Variants in CSMD1 observed in about 807,000 individuals in gnomAD.
CSMD1 encodes the protein CUB and Sushi multiple domains 1, also known as CUB and sushi domain-containing protein 1.
CSMD1 carries 213 observed loss-of-function variants against 417.5 expected under a neutral mutation model. The ratio of observed to expected loss-of-function variants is 0.51; its 90% confidence interval spans 0.46 to 0.57. CSMD1 has a LOEUF of 0.57. CSMD1 is among the 20% of genes least tolerant of loss of function. CSMD1 has a pLI of 0.00. For synonymous variants in CSMD1, 2,862 were observed against 1,736.8 expected (o/e 1.65, Z -16.11); for missense variants, 6,923 against 4,529.7 (o/e 1.53, Z -15.17).
At chr8:4,470,791 T>C (rs920279601) in intron 2 of CSMD1, among the ~76,000 whole-genome samples, 2 of 152,214 alleles carry the variant, frequency 1.3e-5, no homozygotes, top group African/African-American at 4.8e-5. Flanking sequence ...TATTTAAGGA[T>C]TGTCTAACAC....
At chr8:3,979,871 A>T (rs1261842835) in intron 5 of CSMD1, among the ~76,000 whole-genome samples, 1 of 152,206 alleles carries the variant, frequency 6.6e-6, no homozygotes, top group African/African-American at 2.4e-5. Flanking sequence ...TATACTGTAG[A>T]CAGTCACAAA....
intron 3 of CSMD1, among the ~76,000 whole-genome samples, chr8:4,342,236 TG>T (rs1407809513): frequency 1.8e-4 from 2 of 11,054 alleles, no homozygotes; most frequent in African/African-American, 9.3e-4. Flanking sequence ...TGTGTGTCTG[TG>T]TGTGTGTGTG....
At chr8:4,158,577 G>T (rs574426026) in intron 3 of CSMD1, among the ~76,000 whole-genome samples, 1 of 152,168 alleles carries the variant, frequency 6.6e-6, no homozygotes, top group African/African-American at 2.4e-5. Flanking sequence ...TGACAGAACA[G>T]TCCTCGTTCC....
intron 11 of CSMD1, among the ~76,000 whole-genome samples, chr8:3,483,952 G>A (rs1446690684): frequency 6.6e-6 from 1 of 152,178 alleles, no homozygotes; most frequent in East Asian, 1.9e-4. Context: ...TAGTGTTCAT[G>A]AGCTGAAAGA....
At chr8:4,361,620 T>C (rs200592715) in intron 3 of CSMD1, among the ~76,000 whole-genome samples, 2 of 152,172 alleles carry the variant, frequency 1.3e-5, no homozygotes, top group East Asian at 3.9e-4. Flanking sequence ...AACTCTCTGC[T>C]TTGCTGTCCC....
At chr8:4,353,130 A>T (rs765688085) in intron 3 of CSMD1, among the ~76,000 whole-genome samples, 2 of 152,182 alleles carry the variant, frequency 1.3e-5, no homozygotes, top group Non-Finnish European at 2.9e-5. Flanking sequence ...GTTCTCTGAT[A>T]TGGTTTGGCT....
intron 7 of CSMD1, among the ~76,000 whole-genome samples, chr8:3,692,262 G>C (rs540960724): frequency 6.6e-6 from 1 of 152,052 alleles, no homozygotes; most frequent in Non-Finnish European, 1.5e-5. Flanking sequence ...GCTATCCTGC[G>C]ATTTCACCAG....
chr8:3,563,589 G>C (rs879480259), intron 10 of CSMD1, among the ~76,000 whole-genome samples: 3 of 151,588 alleles, frequency 2.0e-5, no homozygotes, highest in Non-Finnish European at 4.4e-5. Flanking sequence ...AAAAACACAA[G>C]TAAAAACATT....
intron 10 of CSMD1, among the ~76,000 whole-genome samples, chr8:3,501,128 G>C (rs190968070): frequency 3.9e-5 from 6 of 152,158 alleles, no homozygotes; most frequent in Admixed American, 2.6e-4. Context: ...AAATTCATTT[G>C]ATATGGGTCC....
chr8:3,019,187 G>T (rs1489316990), intron 51 of CSMD1, among the ~76,000 whole-genome samples: 2 of 152,242 alleles, frequency 1.3e-5, no homozygotes, highest in African/African-American at 2.4e-5. Flanking sequence ...CAAATTGCTG[G>T]GATTACAGGC....
At chr8:4,441,095 G>GTTTTTGTTTTTTTTTTT (rs1798444278) in intron 2 of CSMD1, among the ~76,000 whole-genome samples, 1 of 51,296 alleles carries the variant, frequency 1.9e-5, no homozygotes, top group African/African-American at 6.7e-5. Flanking sequence ...TAATCAAAAG[G>GTTTTTGTTTTTTTTTTT]TTTTTTTTTT....
chr8:4,196,154 G>T (rs947535041), intron 3 of CSMD1, among the ~76,000 whole-genome samples: 14 of 152,156 alleles, frequency 9.2e-5, no homozygotes, highest in East Asian at 1.9e-4. Context: ...GAGCTTGCAG[G>T]GAGCCGAGAT....
At chr8:4,002,925 A>T (rs1563306163) in intron 4 of CSMD1, among the ~76,000 whole-genome samples, 1 of 152,228 alleles carries the variant, frequency 6.6e-6, no homozygotes, top group East Asian at 1.9e-4. Flanking sequence ...GCATTATCTC[A>T]ACTAAACAGA....
At chr8:4,230,773 G>A (rs147309762) in intron 3 of CSMD1, among the ~76,000 whole-genome samples, 63 of 149,860 alleles carry the variant, frequency 4.2e-4, no homozygotes, top group African/African-American at 1.5e-3. Context: ...GTTTTTTTTT[G>A]ACTTTCAAGT....
chr8:4,881,999 C>G (rs1478950291), intron 1 of CSMD1, among the ~76,000 whole-genome samples: 1 of 152,036 alleles, frequency 6.6e-6, no homozygotes, highest in African/African-American at 2.4e-5. Context: ...GGAAAGAAAT[C>G]TCAGCCCTTC....
chr8:3,943,542 T>A (rs561484927), intron 5 of CSMD1, among the ~76,000 whole-genome samples: 2 of 151,250 alleles, frequency 1.3e-5, no homozygotes, highest in African/African-American at 4.9e-5. Flanking sequence ...ATTCAAAGAA[T>A]CTCTCAAAAA....
chr8:4,324,999 G>T (rs767038480), intron 3 of CSMD1, among the ~76,000 whole-genome samples: 1 of 152,056 alleles, frequency 6.6e-6, no homozygotes, highest in Non-Finnish European at 1.5e-5. Context: ...TTGCATTCCT[G>T]GTGTGGTCAC....
chr8:4,031,799 G>C (rs868787839), intron 4 of CSMD1, 106 bp downstream of exon 4: 51 of 824,228 alleles, frequency 6.2e-5, no homozygotes, highest in Middle Eastern at 3.8e-4. Flanking sequence ...GTAAGAGTCA[G>C]CTCAACATGT....
intron 4 of CSMD1, among the ~76,000 whole-genome samples, chr8:4,026,421 A>T (rs1349947030): frequency 6.6e-6 from 1 of 152,242 alleles, no homozygotes; most frequent in Admixed American, 6.5e-5. Context: ...CATAGGAAAG[A>T]CACTTAGCTG....
Sources: allele counts gnomAD v4.1 joint callset (sites outside exome capture counted in the v4.1 genomes callset), GRCh38; gene constraint gnomAD v4.1.1; transcripts MANE v1.5; gene names NCBI Gene and HGNC (gene_info 2026-07-23, HGNC 2026-07-21).